Variants in PIWIL3 observed in about 807,000 individuals in gnomAD.
PIWIL3 encodes piwi-like protein 3.
PIWIL3 carries 101 observed loss-of-function variants against 109.7 expected under a neutral mutation model. The observed-to-expected ratio is 0.92, with a 90% CI of 0.78 to 1.09. PIWIL3 has a LOEUF of 1.09. PIWIL3 is among the 50% of genes least tolerant of loss of function. The pLI is 0.00. For synonymous variants in PIWIL3, 373 were observed against 376.4 expected, an observed-to-expected ratio of 0.99 and a Z score of 0.10; for missense variants, 1,031 against 1,072.6, an observed-to-expected ratio of 0.96 and a Z score of 0.54.
At chr22:24,756,438 A>G (rs1925034630) in intron 5 of PIWIL3, 53 bp downstream of exon 5, 4 of 1,515,360 alleles carry the variant, frequency 2.6e-6, no homozygotes, top group Non-Finnish European at 3.6e-6. Flanking sequence ...TTATTATAAT[A>G]AAGTGAAAAC....
rs149033400 is a variant in PIWIL3, at chr22:24,748,927, T to C, written c.1429A>G (p.Ile477Val). 2.3e-4 allele frequency: 371 copies of C among 1,612,570 alleles called. 2 individuals are homozygous for C. Among genetic ancestry groups the C allele is most frequent in the South Asian group, 1.5e-3 (136 of 90,974 alleles). ...VPGRVLKNAN[I>V]VQGRRMVKAN... ...CTTACCATTCTTCTGCCTTGCACGA[T>C]GTTTGCGTTTTTCAAAACTCTTCCC... The change falls in exon 12 of 21, where the codon ATC becomes GTC. Residue 477 changes from isoleucine to valine, a missense_variant. Physicochemically the swap from Ile to Val is conservative, Grantham distance 29. Coordinates refer to ENST00000616349, the MANE Select transcript of PIWIL3 (RefSeq NM_001255975.1).
At chr22:24,733,582 G>A (rs1923479033) in intron 14 of PIWIL3, among the ~76,000 whole-genome samples, 1 of 152,146 alleles carries the variant, frequency 6.6e-6, no homozygotes. Context: ...TTGGGAGGCT[G>A]AGGCAGGAGA....
chr22:24,763,635 C>T (rs1305576957), intron 1 of PIWIL3, among the ~76,000 whole-genome samples: 1 of 152,104 alleles, frequency 6.6e-6, no homozygotes, highest in Non-Finnish European at 1.5e-5. Context: ...CTATGGTTAT[C>T]TTCCACACAG....
intron 12 of PIWIL3, among the ~76,000 whole-genome samples, chr22:24,737,882 C>T (rs965369053): frequency 7.2e-5 from 11 of 152,084 alleles, no homozygotes; most frequent in South Asian, 6.2e-4. Flanking sequence ...AGAAGGGGGC[C>T]GGGCGCGGTG....
chr22:24,730,363 C>CAAAAAAAA (rs59306341), intron 14 of PIWIL3, among the ~76,000 whole-genome samples: 17 of 93,502 alleles, frequency 1.8e-4, no homozygotes, highest in African/African-American at 7.5e-4. Context: ...GACTCAGTCT[C>CAAAAAAAA]AAAAAAAAAA....
intron 2 of PIWIL3, chr22:24,761,983 G>C (rs552490745): frequency 2.0e-6 from 2 of 992,070 alleles, no homozygotes; most frequent in African/African-American, 3.5e-5. Flanking sequence ...ATGTAAAGTG[G>C]ATATGCAGTA....
At chr22:24,720,376 G>A (rs904646569) in intron 19 of PIWIL3, among the ~76,000 whole-genome samples, 9 of 144,946 alleles carry the variant, frequency 6.2e-5, no homozygotes, top group Non-Finnish European at 9.0e-5. Context: ...GGTTCACGCC[G>A]TTCTCCTGCC....
Position 24,761,879 on chromosome 22 carries a change from C to T in PIWIL3, c.102+519G>A, listed in dbSNP as rs1015883180. 2.1e-5 allele frequency: 18 copies of T among 856,130 alleles called. No homozygotes were observed. In the African/African-American group the frequency reaches 3.3e-4, roughly 16 times the overall value. 53.0% of individuals were successfully genotyped at this position (856,130 alleles called of 1,614,324 possible). A position where few individuals can be genotyped will look rare whatever the true frequency, so the allele number is the denominator to read the frequency against. On this transcript the variant is annotated intron_variant, in intron 2 of 20. Coordinates refer to ENST00000616349, the MANE Select transcript of PIWIL3 (RefSeq NM_001255975.1). ...CAGTCAAACAGCAGAATAAGTGGAC[C>T]TGGAAGGCATCGTGCTACTTCCATG...
intron 1 of PIWIL3, among the ~76,000 whole-genome samples, chr22:24,768,497 C>T (rs111880262): frequency 0.012 from 1,845 of 152,248 alleles, 38 homozygotes; most frequent in African/African-American, 0.041. Flanking sequence ...CGTGATCCAC[C>T]CGCCTCAGCA....
rs376692806 is a variant in PIWIL3 at position 24,734,071 on chromosome 22, A to G, written c.1707+13T>C. On this transcript the variant is annotated intron_variant, in intron 14 of 20. Transcript: ENST00000616349. ...TAACTAAAAGATTGTACATGTATCAACTAGACACTTACCATCTGCAGTGTT... is the reference window on the plus strand; with the variant it reads ...TAACTAAAAGATTGTACATGTATCAGCTAGACACTTACCATCTGCAGTGTT... 23 of 1,605,026 alleles carry G rather than the reference A, an allele frequency of 1.4e-5. No individual in the cohort carries two copies. The East Asian group carries it at 2.5e-4, about 17-fold the overall frequency.
intron 14 of PIWIL3, among the ~76,000 whole-genome samples, chr22:24,728,624 TAGA>T (rs1923139087): frequency 6.6e-6 from 1 of 152,212 alleles, no homozygotes; most frequent in African/African-American, 2.4e-5. Context: ...GGTGAATGTG[TAGA>T]AGAAACAAAT....
At chr22:24,721,307 G>A (rs548163568) in intron 19 of PIWIL3, among the ~76,000 whole-genome samples, 1 of 152,234 alleles carries the variant, frequency 6.6e-6, no homozygotes, top group South Asian at 2.1e-4. Context: ...TATTATTCCT[G>A]TGGTTGCTTT....
At chr22:24,737,418 G>A (rs1234336670) in intron 12 of PIWIL3, among the ~76,000 whole-genome samples, 2 of 152,156 alleles carry the variant, frequency 1.3e-5, no homozygotes, top group Admixed American at 1.3e-4. Flanking sequence ...AGAGCCCTTG[G>A]ACCCTGAAGA....
intron 19 of PIWIL3, among the ~76,000 whole-genome samples, chr22:24,720,316 G>C (rs1266549397): frequency 1.4e-5 from 2 of 140,404 alleles, no homozygotes; most frequent in African/African-American, 5.5e-5. Context: ...CTGTCGCCCA[G>C]GCTGGAGTGC....
chr22:24,720,011 T>TTTTTG, intron 19 of PIWIL3, 116 bp from the exon 20 acceptor site: 1 of 873,202 alleles, frequency 1.1e-6, no homozygotes, highest in Non-Finnish European at 1.6e-6. Flanking sequence ...ATTCTATAGA[T>TTTTTG]TAAGTTTCCT....
At position 24,734,176 on chromosome 22, in the gene PIWIL3, T is replaced by C. The variant is rs1306098439; in HGVS notation, c.1635-20A>G. ...TCAATCCTAAAAAATAAATATAGCATCCACATCCAAAAGATACCAACCAGT... is the reference window on the plus strand; with the variant it reads ...TCAATCCTAAAAAATAAATATAGCACCCACATCCAAAAGATACCAACCAGT... On this transcript the variant is annotated intron_variant, in intron 13 of 20. Transcript: ENST00000616349. 1 of 1,606,960 alleles carries C rather than the reference T, an allele frequency of 6.2e-7. No homozygotes were observed. Among genetic ancestry groups the C allele is most frequent in the Non-Finnish European group, 8.5e-7 (1 of 1,177,874 alleles).
rs1924551726 is a variant in PIWIL3, at chr22:24,749,140, T to C, written c.1335-119A>G. 6 of 878,286 alleles carry C rather than the reference T, an allele frequency of 6.8e-6. No individual in the cohort carries two copies. In the South Asian group the frequency reaches 1.0e-4, roughly 15 times the overall value. 54.4% of individuals were successfully genotyped at this position (878,286 alleles called of 1,614,324 possible). A position where few individuals can be genotyped will look rare whatever the true frequency, so the allele number is the denominator to read the frequency against. On this transcript the variant is annotated intron_variant, in intron 11 of 20. Transcript: ENST00000616349. ...CCATCACTTGTCCGCAGCATTGAGA[T>C]GCGGCAGTACCTTCCCTGAAACTCA... is the stretch of plus-strand genomic sequence containing the variant.
At chr22:24,741,930 A>G (rs1364315589) in intron 12 of PIWIL3, among the ~76,000 whole-genome samples, 1 of 152,060 alleles carries the variant, frequency 6.6e-6, no homozygotes, top group Non-Finnish European at 1.5e-5. Context: ...AATAAAGGAC[A>G]TCCAAATCGG....
In PIWIL3 at chr22:24,759,957, G is replaced by A; in HGVS notation, c.135C>T (p.Pro45=). ...TQEPPQLQST[P]RPLQEEVPVV... is the part of the protein sequence containing the mutation. ...CTGGGACTTCCTCCTGCAGCGGCCG[G>A]GGTGTCGACTGCAACTGAGGGGGCT... Residue 45 remains proline (P), a synonymous_variant, in exon 3 of 21, where the codon CCC becomes CCT. Transcript: ENST00000616349. 6.2e-7 allele frequency: 1 copy of A among 1,614,142 alleles called. No homozygotes were observed. The highest frequency in any genetic ancestry group is 8.5e-7 in the Non-Finnish European group (1 of 1,180,028).
Sources: gnomAD v4.1 joint callset for allele counts (sites outside exome capture counted in the v4.1 genomes callset) on GRCh38, gnomAD v4.1.1 for gene constraint, MANE v1.5 for transcripts, NCBI Gene and HGNC (gene_info 2026-07-23, HGNC 2026-07-21) for gene names.